CFAP47: variants seen among roughly 807,000 people sequenced by gnomAD.
CFAP47 encodes cilia and flagella associated protein 47, also known as cilia- and flagella-associated protein 47.
A neutral mutation model predicts 148.1 loss-of-function variants in CFAP47; 29 were observed. That is an observed-to-expected ratio of 0.20 (90% CI 0.15 to 0.27). The LOEUF (loss-of-function observed/expected upper bound fraction) is 0.27, where lower values mean the gene tolerates loss of function less well. Ranked by LOEUF, CFAP47 falls within the 10% of genes least tolerant of loss-of-function variation. CFAP47 has a pLI of 1.00. For synonymous variants in CFAP47, 664 were observed against 577.3 expected (o/e 1.15, Z -2.15); for missense variants, 1,872 against 1,697.5 (o/e 1.10, Z -1.81).
intron 41 of CFAP47, among the ~76,000 whole-genome samples, chrX:36,188,915 T>C (rs1939836622): frequency 9.0e-6 from 1 of 111,347 alleles, no homozygotes; most frequent in African/African-American, 3.3e-5. Context: ...GCCAGTCTAC[T>C]TCCCTCCAAT....
At chrX:36,036,751 T>C (rs1265959984) in intron 24 of CFAP47, among the ~76,000 whole-genome samples, 1 of 111,934 alleles carries the variant, frequency 8.9e-6, no homozygotes, top group Non-Finnish European at 1.9e-5. Context: ...CAGTTATCAG[T>C]AGAAGTTCAG....
intron 26 of CFAP47, among the ~76,000 whole-genome samples, chrX:36,061,657 A>G (rs181194911): frequency 2.7e-5 from 3 of 112,547 alleles, no homozygotes; most frequent in Admixed American, 9.4e-5. Flanking sequence ...AAATTGAGAA[A>G]AATTGTAAAT....
chrX:36,266,984 A>T (rs1462513975), intron 49 of CFAP47, among the ~76,000 whole-genome samples: 1 of 110,820 alleles, frequency 9.0e-6, no homozygotes, highest in African/African-American at 3.3e-5. Flanking sequence ...TGCTTGACGC[A>T]TGCCATATTC....
At chrX:36,213,233 T>C (rs782674750) in intron 45 of CFAP47, among the ~76,000 whole-genome samples, 20 of 111,952 alleles carry the variant, frequency 1.8e-4, no homozygotes, top group Non-Finnish European at 3.2e-4. Flanking sequence ...TCTTAAATAA[T>C]GGAACTTTCA....
At chrX:36,136,836 C>A (rs1301090833) in intron 33 of CFAP47, among the ~76,000 whole-genome samples, 2 of 111,576 alleles carry the variant, frequency 1.8e-5, no homozygotes, top group African/African-American at 3.2e-5. Flanking sequence ...AATCTTATAT[C>A]AAAAATGTTA....
intron 15 of CFAP47, among the ~76,000 whole-genome samples, chrX:35,980,961 A>T (rs1421679453): frequency 9.0e-6 from 1 of 110,780 alleles, no homozygotes; most frequent in African/African-American, 3.3e-5. Flanking sequence ...GATTTTACAT[A>T]TATTTATATA....
Position 35,926,001 on chromosome X carries a change from CTT to C in CFAP47, c.250-14_250-13del. The C allele has an allele frequency of 8.5e-7, 1 of 1,181,012 alleles. No individual in the cohort carries two copies. The highest frequency in any genetic ancestry group is 1.8e-5 in the African/African-American group (1 of 56,723). On this transcript the variant is annotated splice_polypyrimidine_tract_variant and intron_variant, in intron 1 of 63. Transcript: ENST00000378653. ...GAGTTAAAATGTATAATTTGACTCTCTTTCTCCCACTGAAGTTCAAACTGATG... is the reference window on the plus strand; with the variant it reads ...GAGTTAAAATGTATAATTTGACTCTCTCTCCCACTGAAGTTCAAACTGATG...
At chrX:35,929,721 T>TG (rs200028057) in intron 2 of CFAP47, among the ~76,000 whole-genome samples, 4,324 of 111,235 alleles carry the variant, frequency 0.039, 204 homozygotes, top group African/African-American at 0.13. Context: ...GTGGTGAAGC[T>TG]GGCTTGGTGG....
At chrX:36,337,856 C>T (rs868991416) in intron 57 of CFAP47, among the ~76,000 whole-genome samples, 1 of 58,342 alleles carries the variant, frequency 1.7e-5, no homozygotes, top group Non-Finnish European at 2.8e-5. Context: ...TTCCATAATC[C>T]TTTTTTTTTT....
At chrX:36,298,680 C>G (rs1941268602) in intron 51 of CFAP47, among the ~76,000 whole-genome samples, 1 of 110,324 alleles carries the variant, frequency 9.1e-6, no homozygotes, top group Non-Finnish European at 1.9e-5. Flanking sequence ...AATAATGATA[C>G]CAGTGAAAAA....
rs1233518667 is a variant in CFAP47, at chrX:36,016,523, A to G, written c.3556+1611A>G. Among the ~76,000 whole-genome samples, 2 of 110,932 alleles carry G rather than the reference A, an allele frequency of 1.8e-5. 1 individual carries two copies. The highest frequency in any genetic ancestry group is 3.8e-5 in the Non-Finnish European group (2 of 52,899). On this transcript the variant is annotated intron_variant, in intron 22 of 63. Coordinates refer to ENST00000378653, the MANE Select transcript of CFAP47 (RefSeq NM_001304548.2). The stretch of plus-strand genomic sequence containing the variant: ...ATGGATAAATAGTACTCCATTATGT[A>G]TCTGTACCACATTTTCTTTATCCAG...
chrX:36,281,289 C>T (rs1047113907), intron 50 of CFAP47, among the ~76,000 whole-genome samples: 2 of 112,190 alleles, frequency 1.8e-5, no homozygotes, highest in African/African-American at 3.2e-5. Context: ...TGAATGAATT[C>T]GTATTAGATA....
At position 35,948,466 on chromosome X, in the gene CFAP47, G is replaced by C; in HGVS notation, c.656+14G>C. The C allele has an allele frequency of 1.7e-6, 2 of 1,168,204 alleles. No homozygotes were observed. Among genetic ancestry groups the C allele is most frequent in the Non-Finnish European group, 2.3e-6 (2 of 864,354 alleles). The stretch of plus-strand genomic sequence containing the variant: ...TGAAGAGGCAATGTGAGTATATACT[G>C]TGGTTCTAAAAATTATAATACAGAT... On this transcript the variant is annotated intron_variant, in intron 4 of 63. Coordinates refer to ENST00000378653, the MANE Select transcript of CFAP47 (RefSeq NM_001304548.2).
At chrX:36,379,258 C>A in intron 62 of CFAP47, 92 bp from the exon 63 acceptor site, 1 of 798,957 alleles carries the variant, frequency 1.3e-6, no homozygotes, top group Non-Finnish European at 1.8e-6. Context: ...AGGCCTATTG[C>A]AGCAGGATTC....
chrX:35,931,281 C>G (rs1248263240), intron 2 of CFAP47, among the ~76,000 whole-genome samples: 2 of 110,954 alleles, frequency 1.8e-5, no homozygotes, highest in Non-Finnish European at 3.8e-5. Context: ...AATGTCCCTC[C>G]TTGTGCATGG....
chrX:36,023,148 G>T (rs759908685), intron 22 of CFAP47, among the ~76,000 whole-genome samples: 13 of 112,356 alleles, frequency 1.2e-4, no homozygotes, highest in Non-Finnish European at 2.1e-4. Flanking sequence ...TGGGTTTTGT[G>T]ATCTAAGCTG....
chrX:36,366,894 T>C, intron 61 of CFAP47, 72 bp from the exon 62 acceptor site: 2 of 649,886 alleles, frequency 3.1e-6, no homozygotes, highest in Non-Finnish European at 4.3e-6. Context: ...TTTACCTTAG[T>C]TTAGTTTGCT....
At chrX:36,244,766 C>T (rs1401814883) in intron 48 of CFAP47, among the ~76,000 whole-genome samples, 3 of 110,966 alleles carry the variant, frequency 2.7e-5, no homozygotes, top group African/African-American at 9.8e-5. Context: ...AGCCCTGGAC[C>T]AGATAGATTC....
chrX:36,220,016 G>A (rs915279415), intron 45 of CFAP47, among the ~76,000 whole-genome samples: 4 of 111,429 alleles, frequency 3.6e-5, no homozygotes, highest in Non-Finnish European at 7.5e-5. Flanking sequence ...TATAGGTTGA[G>A]TAAAACCAAC....
Sources: gnomAD v4.1 joint callset for allele counts (sites outside exome capture counted in the v4.1 genomes callset) on GRCh38, gnomAD v4.1.1 for gene constraint, MANE v1.5 for transcripts, NCBI Gene and HGNC (gene_info 2026-07-23, HGNC 2026-07-21) for gene names.